Variants in FRMD4A observed in about 807,000 individuals in gnomAD.
The protein encoded by FRMD4A is FERM domain containing 4A.
FRMD4A carries 29 observed loss-of-function variants against 129.1 expected under a neutral mutation model. The ratio of observed to expected loss-of-function variants is 0.22; its 90% CI spans 0.17 to 0.31. FRMD4A has a LOEUF of 0.31. FRMD4A is among the 10% of genes least tolerant of loss of function. The pLI is 1.00. For synonymous variants in FRMD4A, 634 were observed against 571.6 expected (o/e 1.11, Z -1.56); for missense variants, 1,272 against 1,375.8 (o/e 0.92, Z 1.19).
At chr10:14,185,457 T>C (rs1359733) in intron 2 of FRMD4A, among the ~76,000 whole-genome samples, 152,150 of 152,364 alleles carry the variant, frequency 1, 75,968 homozygotes, top group Middle Eastern at 1. Context: ...GTGGCAGAAA[T>C]TAGTACAAAA....
chr10:13,833,316 T>C (rs1261571365), intron 3 of FRMD4A, among the ~76,000 whole-genome samples: 2 of 152,140 alleles, frequency 1.3e-5, no homozygotes, highest in South Asian at 2.1e-4. Context: ...GCAGGGGAAC[T>C]CCCATTTATA....
chr10:13,983,721 C>G (rs926661557), intron 2 of FRMD4A, among the ~76,000 whole-genome samples: 2 of 151,898 alleles, frequency 1.3e-5, no homozygotes, highest in African/African-American at 4.8e-5. Flanking sequence ...AACTGGGGGC[C>G]GGGCGCGGTG....
intron 2 of FRMD4A, among the ~76,000 whole-genome samples, chr10:13,863,581 C>A (rs2094322731): frequency 6.6e-6 from 1 of 151,952 alleles, no homozygotes; most frequent in Non-Finnish European, 1.5e-5. Context: ...CAGAGTGTGA[C>A]CCTGTCTCAA....
Position 13,932,888 on chromosome 10 carries a change from C to T in FRMD4A, c.46-73976G>A, listed in dbSNP as rs182839533. On this transcript the variant is annotated intron_variant, in intron 2 of 24. Coordinates refer to ENST00000357447, the MANE Select transcript of FRMD4A (RefSeq NM_018027.5). ...AAAAATATTTCTGAAAGGCTGGGTG[C>T]GGTAGCTCAAGCCTGTTATCCCAGC... 3.5e-3 allele frequency among the ~76,000 whole-genome samples: 533 copies of T among 152,220 alleles called. 4 individuals carry two copies. Among genetic ancestry groups the T allele is most frequent in the African/African-American group, 0.011 (477 of 41,532 alleles).
intron 2 of FRMD4A, among the ~76,000 whole-genome samples, chr10:14,167,956 G>A (rs1841278396): frequency 6.6e-6 from 1 of 152,222 alleles, no homozygotes; most frequent in Non-Finnish European, 1.5e-5. Flanking sequence ...CTGCATCAGA[G>A]TCCTCCAGCC....
chr10:14,052,349 T>A (rs551141363), intron 2 of FRMD4A, among the ~76,000 whole-genome samples: 1 of 152,330 alleles, frequency 6.6e-6, no homozygotes, highest in East Asian at 1.9e-4. Flanking sequence ...CTGCTTTGCA[T>A]TGCTATAAAG....
chr10:13,934,503 CT>C (rs2095232236), intron 2 of FRMD4A, among the ~76,000 whole-genome samples: 2 of 151,698 alleles, frequency 1.3e-5, no homozygotes, highest in African/African-American at 4.8e-5. Context: ...GCTGGCTGTC[CT>C]TTCACATTCA....
In FRMD4A at chr10:14,128,052, CTTTCTTT is replaced by C. The variant is rs1564320036; in HGVS notation, c.45+201999_45+202005del. On this transcript the variant is annotated intron_variant, in intron 2 of 24. Coordinates refer to ENST00000357447, the MANE Select transcript of FRMD4A (RefSeq NM_018027.5). ...CCTTCCTTCCTTTCTTTCCCTCTTTCTTTCTTTCTTTCTTTCTTTCTTTCTTTCTTTC... is the reference window on the plus strand; with the variant it reads ...CCTTCCTTCCTTTCTTTCCCTCTTTCCTTTCTTTCTTTCTTTCTTTCTTTC... Among the ~76,000 whole-genome samples the C allele has an allele frequency of 7.5e-3, 220 of 29,416 alleles. 3 individuals are homozygous for C. Among genetic ancestry groups the C allele is most frequent in the African/African-American group, 0.02 (156 of 7,992 alleles). 19.3% of individuals were successfully genotyped at this position (29,416 alleles called of 152,430 possible).
At chr10:14,019,608 C>T (rs60536505) in intron 2 of FRMD4A, among the ~76,000 whole-genome samples, 27,699 of 152,116 alleles carry the variant, frequency 0.18, 3,129 homozygotes, top group East Asian at 0.45. Flanking sequence ...TACTCTTCAG[C>T]TTTCAAATGT....
At chr10:13,728,570 A>ATTTTTTTTTTTTTTT (rs1386167455) in intron 12 of FRMD4A, among the ~76,000 whole-genome samples, 51 of 28,584 alleles carry the variant, frequency 1.8e-3, no homozygotes, top group Non-Finnish European at 2.8e-3. Flanking sequence ...GGTGATTACC[A>ATTTTTTTTTTTTTTT]TTCTTTTTTT....
chr10:14,098,992 T>G (rs1837157571), intron 2 of FRMD4A, among the ~76,000 whole-genome samples: 1 of 152,232 alleles, frequency 6.6e-6, no homozygotes, highest in Admixed American at 6.5e-5. Context: ...TCTGAAAACA[T>G]GCATTGTTGA....
intron 3 of FRMD4A, among the ~76,000 whole-genome samples, chr10:13,852,069 C>T (rs1448336986): frequency 2.6e-5 from 4 of 151,764 alleles, no homozygotes; most frequent in Admixed American, 6.6e-5. Context: ...ATAAAGTGCA[C>T]AATAAATGTA....
chr10:14,278,682 A>G (rs1329823772), intron 2 of FRMD4A, among the ~76,000 whole-genome samples: 4 of 152,208 alleles, frequency 2.6e-5, no homozygotes, highest in Non-Finnish European at 4.4e-5. Context: ...GCCTGAGCCC[A>G]GAATTTGAAT....
chr10:13,672,058 A>G (rs887386968), intron 16 of FRMD4A, among the ~76,000 whole-genome samples: 1 of 152,226 alleles, frequency 6.6e-6, no homozygotes, highest in Non-Finnish European at 1.5e-5. Flanking sequence ...CTGTGTGCAC[A>G]TGTGTACGCA....
intron 2 of FRMD4A, among the ~76,000 whole-genome samples, chr10:13,861,766 G>A (rs1337748916): frequency 6.6e-6 from 1 of 152,208 alleles, no homozygotes; most frequent in Non-Finnish European, 1.5e-5. Context: ...CTTGCACAGA[G>A]TAAGCATCTT....
intron 5 of FRMD4A, 84 bp from the exon 6 acceptor site, chr10:13,783,090 G>T: frequency 2.7e-6 from 2 of 733,230 alleles, no homozygotes; most frequent in Non-Finnish European, 2.5e-6. Flanking sequence ...GATTTGAGAT[G>T]AAAGCTGGCA....
intron 2 of FRMD4A, among the ~76,000 whole-genome samples, chr10:13,951,345 T>C (rs763137981): frequency 3.3e-5 from 5 of 152,074 alleles, no homozygotes; most frequent in Admixed American, 6.6e-5. Context: ...TGCGCCATCT[T>C]GGGATCGTAG....
chr10:13,870,354 C>T (rs1433520929), intron 2 of FRMD4A, among the ~76,000 whole-genome samples: 3 of 152,250 alleles, frequency 2.0e-5, no homozygotes, highest in African/African-American at 7.2e-5. Context: ...ACTCTCCTTC[C>T]CATCGCTCCT....
At chr10:13,874,033 G>C (rs2094465356) in intron 2 of FRMD4A, among the ~76,000 whole-genome samples, 1 of 151,006 alleles carries the variant, frequency 6.6e-6, no homozygotes. Context: ...GATCACCAGA[G>C]GTCAGGAGTT....
Sources: gnomAD v4.1 joint callset for allele counts (sites outside exome capture counted in the v4.1 genomes callset) on GRCh38, gnomAD v4.1.1 for gene constraint, MANE v1.5 for transcripts, NCBI Gene and HGNC (gene_info 2026-07-23, HGNC 2026-07-21) for gene names.